SAMHD1: variants seen among roughly 807,000 people sequenced by gnomAD.
SAMHD1 encodes the protein deoxynucleoside triphosphate triphosphohydrolase SAMHD1.
A neutral mutation model predicts 79.6 loss-of-function variants in SAMHD1; 54 were observed. The observed-to-expected ratio is 0.68, with a 90% CI of 0.55 to 0.85. The LOEUF is 0.85. Among genes scored for constraint, SAMHD1 ranks in the 40% least tolerant of loss-of-function variants. SAMHD1 has a pLI of 0.00. For missense variants in SAMHD1, 663 were observed against 782.7 expected, an observed-to-expected ratio of 0.85 and a Z score of 1.82; for synonymous variants, 260 against 264.1, an observed-to-expected ratio of 0.98 and a Z score of 0.15.
chr20:36,893,229 G>A, intron 15 of SAMHD1, 163 bp from the exon 16 acceptor site: 1 of 805,652 alleles, frequency 1.2e-6, no homozygotes, highest in Non-Finnish European at 2.0e-6. Flanking sequence ...CCTGTGCTTG[G>A]GGCAAATTAG....
At chr20:36,908,012 C>G (rs2063415020) in intron 11 of SAMHD1, among the ~76,000 whole-genome samples, 1 of 151,808 alleles carries the variant, frequency 6.6e-6, no homozygotes, top group South Asian at 2.1e-4. Flanking sequence ...GTAGCTGGGA[C>G]TACAGGCACC....
intron 1 of SAMHD1, chr20:36,947,055 A>C: frequency 2.7e-6 from 1 of 371,912 alleles, no homozygotes; most frequent in Non-Finnish European, 5.0e-6. Flanking sequence ...AGTTCCAAGA[A>C]AAACCAGTTG....
chr20:36,917,577 G>A (rs1198005261), intron 7 of SAMHD1, among the ~76,000 whole-genome samples: 1 of 152,172 alleles, frequency 6.6e-6, no homozygotes, highest in Non-Finnish European at 1.5e-5. Context: ...CCTGAACTCA[G>A]GAGGCGGAGG....
Position 36,927,253 on chromosome 20 carries a change from C to G in SAMHD1, c.626-1G>C, listed in dbSNP as rs2146127849. 1.9e-6 allele frequency: 3 copies of G among 1,612,886 alleles called. No individual in the cohort carries two copies. Among genetic ancestry groups the G allele is most frequent in the Non-Finnish European group, 2.5e-6 (3 of 1,179,474 alleles). ...AACATGTGAGAAAATGGCCCATGAC[C>G]TTAAAAACAAAAGCAGCCTTAGAAC... On this transcript the variant is annotated splice_acceptor_variant, in intron 5 of 15. Coordinates refer to ENST00000646673, the MANE Select transcript of SAMHD1 (RefSeq NM_015474.4). LOFTEE classifies it high-confidence loss of function.
rs1555830169 is a variant in SAMHD1, at chr20:36,890,414, C to CTTTCTTTCTTTCTTTCTTTCTTTCT, written c.*2517_*2518insAGAAAGAAAGAAAGAAAGAAAGAAA. 4.7e-5 allele frequency: 7 copies of CTTTCTTTCTTTCTTTCTTTCTTTCT among 149,990 alleles called. No homozygotes were observed. Among genetic ancestry groups the CTTTCTTTCTTTCTTTCTTTCTTTCT allele is most frequent in the African/African-American group, 1.2e-4 (5 of 40,694 alleles). The allele number at this position is 149,990 out of a possible 1,614,324, so 9.3% of individuals were successfully genotyped here. ...TTTCTTTCTCTTTCTTTCTTTCTTT[C>CTTTCTTTCTTTCTTTCTTTCTTTCT]TTTCTTTTCTTTCTCTCTTTCCTTC... is the stretch of plus-strand genomic sequence containing the variant. On this transcript the variant is annotated 3_prime_UTR_variant, in exon 16 of 16. Transcript: ENST00000646673.
intron 4 of SAMHD1, among the ~76,000 whole-genome samples, chr20:36,934,237 A>G (rs2063585931): frequency 6.6e-6 from 1 of 150,942 alleles, no homozygotes; most frequent in African/African-American, 2.4e-5. Context: ...AAAAGCCTCA[A>G]TTTTGGGGCT....
At chr20:36,923,102 G>A (rs1040231350) in intron 6 of SAMHD1, among the ~76,000 whole-genome samples, 4 of 152,106 alleles carry the variant, frequency 2.6e-5, no homozygotes, top group Non-Finnish European at 4.4e-5. Context: ...CTGGGTTCAC[G>A]CCATTCTCCT....
intron 11 of SAMHD1, among the ~76,000 whole-genome samples, chr20:36,907,990 C>T (rs1428088827): frequency 4.6e-5 from 7 of 151,930 alleles, no homozygotes; most frequent in East Asian, 1.9e-4. Context: ...ATTCTCGTGC[C>T]TCAGTCTCCG....
In SAMHD1 at chr20:36,892,749, A is replaced by T. The variant is rs1990106632; in HGVS notation, c.*183T>A. ...TAGGCAAGGTAATGCTTTTCATAGT[A>T]TAGTAAGATTTGCCTAATACCATCT... is the stretch of plus-strand genomic sequence containing the variant. On this transcript the variant is annotated 3_prime_UTR_variant, in exon 16 of 16. Transcript: ENST00000646673. 1.3e-6 allele frequency: 1 copy of T among 741,566 alleles called. No homozygotes were observed. The highest frequency in any genetic ancestry group is 2.7e-5 in the East Asian group (1 of 37,378). The allele number at this position is 741,566 out of a possible 1,614,324, so 45.9% of individuals were successfully genotyped here.
chr20:36,912,815 TAAGTGATC>T (rs1555833519), intron 9 of SAMHD1, among the ~76,000 whole-genome samples: 2 of 144,440 alleles, frequency 1.4e-5, no homozygotes, highest in African/African-American at 2.5e-5. Flanking sequence ...AGGCTGGTCT[TAAGTGATC>T]TTCCTACCTC....
rs2063640756 is a variant in SAMHD1 at position 36,941,056 on chromosome 20, G to A, written c.331C>T (p.His111Tyr). The A allele has an allele frequency of 6.2e-7, 1 of 1,612,860 alleles. No individual in the cohort carries two copies. The highest frequency in any genetic ancestry group is 8.5e-7 in the Non-Finnish European group (1 of 1,179,250). Residue 111 changes from histidine to tyrosine, a missense_variant, in exon 3 of 16, where the codon CAC becomes TAC. Transcript: ENST00000646673. ...LSYIQRLVQI[H>Y]VDTMKVINDP... ...CCTCTTACCTTCATTGTATCAACGT[G>A]GATTTGAACCAATCGCTGGATATAA...
chr20:36,909,680 C>CAAAAAAAAAA (rs56389967), intron 11 of SAMHD1, among the ~76,000 whole-genome samples: 1 of 121,212 alleles, frequency 8.3e-6, no homozygotes. Context: ...CACCCCCCTC[C>CAAAAAAAAAA]AAAAAAAAAA....
chr20:36,909,535 G>T (rs2063424204), intron 11 of SAMHD1, among the ~76,000 whole-genome samples: 1 of 151,760 alleles, frequency 6.6e-6, no homozygotes, highest in Admixed American at 6.6e-5. Context: ...GCTGGGCATG[G>T]TGGTGGGCGC....
Position 36,951,652 on chromosome 20 carries a change from C to T in SAMHD1, c.-9G>A. On this transcript the variant is annotated 5_prime_UTR_variant, in exon 1 of 16. Coordinates refer to ENST00000646673, the MANE Select transcript of SAMHD1 (RefSeq NM_015474.4). ...GAATCGGCTCGCTGCATGGCTACAC[C>T]TGGCGTCCGGCACAGCAGTCAAGAA... 1.2e-6 allele frequency: 2 copies of T among 1,612,906 alleles called. No individual in the cohort carries two copies. The highest frequency in any genetic ancestry group is 1.7e-6 in the Non-Finnish European group (2 of 1,179,978).
At chr20:36,905,286 G>T (rs997988642) in intron 12 of SAMHD1, 78 bp downstream of exon 12, 9 of 1,435,290 alleles carry the variant, frequency 6.3e-6, no homozygotes, top group Non-Finnish European at 7.9e-6. Flanking sequence ...CAGAGTCATA[G>T]TATCACGATA....
intron 10 of SAMHD1, 192 bp from the exon 11 acceptor site, chr20:36,911,525 C>T: frequency 1.7e-6 from 1 of 580,758 alleles, no homozygotes; most frequent in South Asian, 1.9e-5. Context: ...GTGTTCCAGG[C>T]ACTGTCGCAG....
chr20:36,947,420 G>GA (rs772703973), intron 1 of SAMHD1, among the ~76,000 whole-genome samples: 1 of 106,810 alleles, frequency 9.4e-6, no homozygotes, highest in Non-Finnish European at 1.8e-5. Context: ...GTGTGTGTGT[G>GA]TGTGTGTGTG....
intron 2 of SAMHD1, among the ~76,000 whole-genome samples, chr20:36,945,788 G>A (rs1412421831): frequency 6.6e-6 from 1 of 151,788 alleles, no homozygotes; most frequent in Non-Finnish European, 1.5e-5. Context: ...GTGCATGCCT[G>A]TAATCCCAGC....
intron 9 of SAMHD1, among the ~76,000 whole-genome samples, chr20:36,915,678 AGTGAGCC>A (rs1357255128): frequency 3.3e-5 from 5 of 151,970 alleles, no homozygotes; most frequent in Admixed American, 1.3e-4. Flanking sequence ...CAGAGCTTGC[AGTGAGCC>A]GAGATCATGC....
Sources: gnomAD v4.1 joint callset for allele counts (sites outside exome capture counted in the v4.1 genomes callset) on GRCh38, gnomAD v4.1.1 for gene constraint, MANE v1.5 for transcripts, NCBI Gene and HGNC (gene_info 2026-07-23, HGNC 2026-07-21) for gene names.